ANO2: variants seen among roughly 807,000 people sequenced by gnomAD.
The protein encoded by ANO2 is anoctamin 2.
Under a neutral mutation model 124.2 loss-of-function variants are expected in ANO2, and 101 were observed. That is an observed-to-expected ratio of 0.81 (90% CI 0.69 to 0.96). ANO2 has a LOEUF of 0.96. Among genes scored for constraint, ANO2 ranks in the 40% least tolerant of loss-of-function variants. The pLI, the probability that ANO2 is intolerant of heterozygous loss-of-function variation, is 0.00. For missense variants in ANO2, 1,293 were observed against 1,274.5 expected (o/e 1.01, Z -0.22); for synonymous variants, 486 against 482.5 (o/e 1.01, Z -0.09).
At chr12:5,766,556 G>C (rs1004137847) in intron 10 of ANO2, among the ~76,000 whole-genome samples, 1 of 152,208 alleles carries the variant, frequency 6.6e-6, no homozygotes, top group Non-Finnish European at 1.5e-5. Context: ...CACTAATGGA[G>C]AGCATGGGGA....
intron 3 of ANO2, among the ~76,000 whole-genome samples, chr12:5,861,479 C>A (rs1357607560): frequency 3.3e-5 from 5 of 152,196 alleles, no homozygotes; most frequent in Non-Finnish European, 7.3e-5. Context: ...TGTGGATAAA[C>A]AAGACAACGT....
intron 10 of ANO2, among the ~76,000 whole-genome samples, chr12:5,759,419 A>G (rs1399943768): frequency 1.3e-5 from 2 of 152,128 alleles, no homozygotes; most frequent in African/African-American, 2.4e-5. Context: ...GACACCTTAG[A>G]GCAGGGGTCC....
chr12:5,591,201 T>C (rs1943379217), intron 20 of ANO2, among the ~76,000 whole-genome samples: 1 of 152,084 alleles, frequency 6.6e-6, no homozygotes, highest in African/African-American at 2.4e-5. Flanking sequence ...AAACTACCAA[T>C]TTGTTACTGC....
At chr12:5,797,280 A>G (rs545742997) in intron 10 of ANO2, among the ~76,000 whole-genome samples, 1 of 152,254 alleles carries the variant, frequency 6.6e-6, no homozygotes, top group Admixed American at 6.5e-5. Context: ...AAGTGGCAAA[A>G]GAGAGAAATG....
intron 20 of ANO2, among the ~76,000 whole-genome samples, chr12:5,591,018 A>G (rs1357669031): frequency 6.6e-6 from 1 of 152,146 alleles, no homozygotes; most frequent in African/African-American, 2.4e-5. Flanking sequence ...CGTCTCTACT[A>G]AAAATACAAA....
Position 5,922,667 on chromosome 12 carries a change from T to C in ANO2, c.160A>G (p.Arg54Gly), listed in dbSNP as rs2136304607. The C allele has an allele frequency of 6.5e-7, 1 of 1,549,554 alleles. No individual in the cohort carries two copies. Among genetic ancestry groups the C allele is most frequent in the South Asian group, 1.2e-5 (1 of 85,096 alleles). ...RAPGLQGGSN[R>G]DPGQPCGGES... The stretch of plus-strand genomic sequence containing the variant: ...CCACCGCAGGGCTGGCCAGGATCTC[T>C]GTTGGAACCGCCCTGCAGACCTGGG... The change falls in exon 2 of 25, where the codon AGA (arginine) becomes GGA (glycine). Residue 54 changes from arginine to glycine, a missense_variant. Coordinates refer to ENST00000682330, the MANE Select transcript of ANO2 (RefSeq NM_001364791.2).
intron 9 of ANO2, among the ~76,000 whole-genome samples, chr12:5,799,776 A>C (rs1952985632): frequency 6.6e-6 from 1 of 152,062 alleles, no homozygotes; most frequent in Admixed American, 6.6e-5. Context: ...ACTTTATCAC[A>C]CTCTGAGGCA....
intron 14 of ANO2, among the ~76,000 whole-genome samples, chr12:5,685,444 C>T (rs11063818): frequency 0.37 from 56,825 of 152,044 alleles, 12,376 homozygotes; most frequent in East Asian, 0.59. Context: ...CAGCACTGCC[C>T]TCACCATGCC....
intron 23 of ANO2, among the ~76,000 whole-genome samples, 173 bp downstream of exon 23, chr12:5,575,661 T>C (rs965720948): frequency 6.6e-5 from 10 of 152,300 alleles, no homozygotes; most frequent in Non-Finnish European, 1.5e-4. Context: ...ATACAGAAGA[T>C]GTATGGTAAA....
intron 11 of ANO2, among the ~76,000 whole-genome samples, chr12:5,750,199 C>T (rs757090769): frequency 2.0e-5 from 3 of 152,014 alleles, no homozygotes; most frequent in Non-Finnish European, 4.4e-5. Context: ...CCTCCCAAAG[C>T]ACTGGGATTA....
intron 6 of ANO2, among the ~76,000 whole-genome samples, chr12:5,828,144 G>A (rs1307048183): frequency 6.6e-6 from 1 of 152,190 alleles, no homozygotes; most frequent in Non-Finnish European, 1.5e-5. Context: ...AGACCACATA[G>A]CCTCGGGAGG....
At chr12:5,743,362 TGAC>T (rs1565633147) in intron 12 of ANO2, among the ~76,000 whole-genome samples, 1 of 152,176 alleles carries the variant, frequency 6.6e-6, no homozygotes, top group East Asian at 1.9e-4. Context: ...TCAGATGGGC[TGAC>T]ACAGGTTGAC....
At chr12:5,813,784 T>A (rs565093844) in intron 7 of ANO2, among the ~76,000 whole-genome samples, 2 of 152,314 alleles carry the variant, frequency 1.3e-5, no homozygotes, top group African/African-American at 4.8e-5. Flanking sequence ...TTGGCTCATA[T>A]GTACAGATCA....
At position 5,889,140 on chromosome 12, in the gene ANO2, A is replaced by G. The variant is rs372797180; in HGVS notation, c.534+31900T>C. On this transcript the variant is annotated intron_variant, in intron 3 of 24. Transcript: ENST00000682330. ...GGCCGGCGGGCCGGCTGGTTGCTCC[A>G]AGTGCGGGGCCTGCCAAGCCCACGC... 5.2e-3 allele frequency among the ~76,000 whole-genome samples: 785 copies of G among 152,290 alleles called. 4 individuals carry two copies. The highest frequency in any genetic ancestry group is 0.018 in the African/African-American group (762 of 41,550).
At chr12:5,664,829 T>C (rs1278663007) in intron 14 of ANO2, among the ~76,000 whole-genome samples, 2 of 152,228 alleles carry the variant, frequency 1.3e-5, no homozygotes, top group Non-Finnish European at 2.9e-5. Context: ...GGCAAATTCA[T>C]AGGAAAGGCT....
chr12:5,795,560 C>T lies in ANO2; in HGVS notation c.1055+3947G>A, dbSNP rs565843778. On this transcript the variant is annotated intron_variant, in intron 10 of 24. Transcript: ENST00000682330. ...CTCTGAGCTGAGTACAGTTCTAGAACCCTCTCTTTCCCATGCTGTCACAGG... is the reference window on the plus strand; with the variant it reads ...CTCTGAGCTGAGTACAGTTCTAGAATCCTCTCTTTCCCATGCTGTCACAGG... Among the ~76,000 whole-genome samples, 5 of 152,344 alleles carry T rather than the reference C, an allele frequency of 3.3e-5. No homozygotes were observed. The South Asian group carries it at 8.3e-4, about 25-fold the overall frequency.
chr12:5,570,940 A>G (rs1233628768), intron 23 of ANO2, among the ~76,000 whole-genome samples: 2 of 152,166 alleles, frequency 1.3e-5, no homozygotes. Context: ...GATAAGAATC[A>G]GGAAATGTGG....
chr12:5,861,265 C>T (rs1219018614), intron 3 of ANO2, among the ~76,000 whole-genome samples: 2 of 152,094 alleles, frequency 1.3e-5, no homozygotes, highest in African/African-American at 4.8e-5. Context: ...GCCAACCATC[C>T]ACGGCAATCC....
chr12:5,638,127 C>T (rs1050887692), intron 15 of ANO2, among the ~76,000 whole-genome samples: 1 of 152,056 alleles, frequency 6.6e-6, no homozygotes, highest in Non-Finnish European at 1.5e-5. Context: ...GGAGGGTATA[C>T]GGTAGAGCTG....
Sources: allele counts gnomAD v4.1 joint callset (sites outside exome capture counted in the v4.1 genomes callset), GRCh38; gene constraint gnomAD v4.1.1; transcripts MANE v1.5; gene names NCBI Gene and HGNC (gene_info 2026-07-23, HGNC 2026-07-21).